LRFN5: variants seen among roughly 807,000 people sequenced by gnomAD.
LRFN5 encodes the protein leucine rich repeat and fibronectin type III domain containing 5.
Under a neutral mutation model 45.6 loss-of-function variants are expected in LRFN5, and 24 were observed. The ratio of observed to expected loss-of-function variants is 0.53; its 90% confidence interval spans 0.38 to 0.74. The LOEUF (loss-of-function observed/expected upper bound fraction) is 0.74, where lower values mean the gene tolerates loss of function less well. LRFN5 is among the 30% of genes least tolerant of loss of function. The pLI is 0.00. For synonymous variants in LRFN5, 340 were observed against 313.8 expected (o/e 1.08, Z -0.88); for missense variants, 776 against 861.5 (o/e 0.90, Z 1.24).
At chr14:41,848,189 T>C (rs189115889) in intron 2 of LRFN5, among the ~76,000 whole-genome samples, 8 of 152,124 alleles carry the variant, frequency 5.3e-5, no homozygotes, top group African/African-American at 1.9e-4. Context: ...ATAATACAAA[T>C]ATTGATGGAA....
At chr14:41,742,033 T>C (rs879933635) in intron 1 of LRFN5, among the ~76,000 whole-genome samples, 19 of 151,746 alleles carry the variant, frequency 1.3e-4, no homozygotes, top group African/African-American at 1.7e-4. Context: ...TAACAAGTGT[T>C]GGCAAGAAAT....
At chr14:41,634,954 T>TACTGTTA (rs1879223340) in intron 1 of LRFN5, among the ~76,000 whole-genome samples, 1 of 152,112 alleles carries the variant, frequency 6.6e-6, no homozygotes, top group Non-Finnish European at 1.5e-5. Context: ...TAATGAAACA[T>TACTGTTA]AATTACATTT....
intron 1 of LRFN5, among the ~76,000 whole-genome samples, chr14:41,703,621 T>G (rs2138729587): frequency 6.6e-6 from 1 of 152,128 alleles, no homozygotes; most frequent in East Asian, 1.9e-4. Context: ...TTTTTGCTCC[T>G]TGTTTTCTTT....
chr14:41,789,990 T>C (rs2138941374), intron 2 of LRFN5, among the ~76,000 whole-genome samples: 1 of 152,070 alleles, frequency 6.6e-6, no homozygotes, highest in South Asian at 2.1e-4. Context: ...TTTCTGAGTC[T>C]TTAGGAGTGT....
intron 1 of LRFN5, among the ~76,000 whole-genome samples, chr14:41,646,230 A>G (rs1879812926): frequency 6.6e-6 from 1 of 152,138 alleles, no homozygotes; most frequent in African/African-American, 2.4e-5. Flanking sequence ...ATAATTTGTA[A>G]CCCTTAATGA....
rs191428680 is a variant in LRFN5 at position 41,748,344 on chromosome 14, A to T, written c.-196-18510A>T. On this transcript the variant is annotated intron_variant, in intron 1 of 5. Transcript: ENST00000298119. Reference sequence around the variant, plus strand: ...AATGGAATATTAGCCTCATAAAGGAAAAAACAACTTATATATGATAGAGCA... The same window carrying T: ...AATGGAATATTAGCCTCATAAAGGATAAAACAACTTATATATGATAGAGCA... 5.4e-3 allele frequency among the ~76,000 whole-genome samples: 829 copies of T among 152,190 alleles called. 7 individuals are homozygous for T. Among genetic ancestry groups the T allele is most frequent in the Non-Finnish European group, 8.2e-3 (560 of 67,954 alleles).
intron 4 of LRFN5, chr14:41,894,652 A>G (rs1890882412): frequency 1.0e-6 from 1 of 984,858 alleles, no homozygotes. Context: ...CTGAAAAGTA[A>G]GTCTACAGAA....
chr14:41,778,982 C>A (rs1475998958), intron 2 of LRFN5, among the ~76,000 whole-genome samples: 2 of 151,658 alleles, frequency 1.3e-5, no homozygotes, highest in South Asian at 2.1e-4. Flanking sequence ...TTGATCTGTG[C>A]AACATTTATT....
chr14:41,622,111 TTCTC>T (rs1239433188), intron 1 of LRFN5, among the ~76,000 whole-genome samples: 1 of 147,756 alleles, frequency 6.8e-6, no homozygotes, highest in African/African-American at 2.5e-5. Context: ...TGTCCTCTCT[TTCTC>T]TTTCCATCCC....
At position 41,752,429 on chromosome 14, in the gene LRFN5, G is replaced by A. The variant is rs575904626; in HGVS notation, c.-196-14425G>A. On this transcript the variant is annotated intron_variant, in intron 1 of 5. Transcript: ENST00000298119. ...CTCCACATCCTCTCCAGTACCTGTT[G>A]TTTCCTGACTTTTTAATGATTGCCA... Among the ~76,000 whole-genome samples, 121 of 152,232 alleles carry A rather than the reference G, an allele frequency of 7.9e-4. 2 individuals carry two copies. In the South Asian group the frequency reaches 0.024, roughly 31 times the overall value.
At chr14:41,729,038 G>T (rs1443001589) in intron 1 of LRFN5, among the ~76,000 whole-genome samples, 1 of 152,052 alleles carries the variant, frequency 6.6e-6, no homozygotes, top group African/African-American at 2.4e-5. Flanking sequence ...CAGAACCAAG[G>T]TTTCCAACAA....
chr14:41,678,556 A>G (rs1881742978), intron 1 of LRFN5, among the ~76,000 whole-genome samples: 1 of 152,196 alleles, frequency 6.6e-6, no homozygotes, highest in Non-Finnish European at 1.5e-5. Context: ...ACAGACATTT[A>G]TAGAACATGC....
intron 1 of LRFN5, among the ~76,000 whole-genome samples, chr14:41,735,660 G>C (rs1290092073): frequency 1.3e-5 from 2 of 151,964 alleles, no homozygotes; most frequent in Admixed American, 6.6e-5. Context: ...GAAGATGCAG[G>C]TTTGTTATAT....
chr14:41,705,437 A>G (rs79772528), intron 1 of LRFN5, among the ~76,000 whole-genome samples: 146 of 152,274 alleles, frequency 9.6e-4, no homozygotes, highest in African/African-American at 3.1e-3. Context: ...AATACATACT[A>G]TTTTGCATTA....
intron 2 of LRFN5, among the ~76,000 whole-genome samples, chr14:41,788,710 C>T (rs553253241): frequency 5.5e-4 from 83 of 152,042 alleles, no homozygotes; most frequent in African/African-American, 2.0e-3. Flanking sequence ...TTTACTTTTC[C>T]ACAATTTTCT....
intron 5 of LRFN5, among the ~76,000 whole-genome samples, chr14:41,899,908 C>G (rs1330998842): frequency 6.6e-6 from 1 of 152,052 alleles, no homozygotes; most frequent in Non-Finnish European, 1.5e-5. Flanking sequence ...CAATCAATAG[C>G]ACAATGTCTG....
chr14:41,718,661 C>T (rs1434334664), intron 1 of LRFN5, among the ~76,000 whole-genome samples: 1 of 152,172 alleles, frequency 6.6e-6, no homozygotes, highest in African/African-American at 2.4e-5. Flanking sequence ...ATACATCTCA[C>T]GTCTTCCTGA....
At chr14:41,844,489 G>C (rs1888991193) in intron 2 of LRFN5, among the ~76,000 whole-genome samples, 1 of 151,614 alleles carries the variant, frequency 6.6e-6, no homozygotes, top group Non-Finnish European at 1.5e-5. Context: ...TGATTTTGGA[G>C]TTGCGGTAAG....
At chr14:41,878,315 G>A (rs114837319) in intron 2 of LRFN5, among the ~76,000 whole-genome samples, 2,627 of 152,204 alleles carry the variant, frequency 0.017, 68 homozygotes, top group African/African-American at 0.059. Context: ...GCATTCTACT[G>A]AATGATGGCA....
Sources: gnomAD v4.1 joint callset for allele counts (sites outside exome capture counted in the v4.1 genomes callset) on GRCh38, gnomAD v4.1.1 for gene constraint, MANE v1.5 for transcripts, NCBI Gene and HGNC (gene_info 2026-07-23, HGNC 2026-07-21) for gene names.